Variants in LRRIQ1 observed in about 807,000 individuals in gnomAD.
The protein encoded by LRRIQ1 is leucine rich repeats and IQ motif containing 1, also known as leucine-rich repeat- and IQ domain-containing protein 1.
A neutral mutation model predicts 211.9 loss-of-function variants in LRRIQ1; 210 were observed. The observed-to-expected ratio is 0.99, with a 90% CI of 0.89 to 1.11. LRRIQ1 has a LOEUF of 1.11. LRRIQ1 is among the 50% of genes most tolerant of loss of function. The probability of loss-of-function intolerance (pLI) is 0.00; values close to 1 mark genes in which losing one functional copy is unlikely to be tolerated. For synonymous variants in LRRIQ1, 699 were observed against 650.1 expected, an observed-to-expected ratio of 1.08 and a Z score of -1.14; for missense variants, 2,136 against 1,939.5, an observed-to-expected ratio of 1.10 and a Z score of -1.90.
chr12:85,043,813 G>C (rs948877826), intron 3 of LRRIQ1, among the ~76,000 whole-genome samples: 2 of 151,962 alleles, frequency 1.3e-5, no homozygotes, highest in Non-Finnish European at 2.9e-5. Flanking sequence ...AAGAAGTTCA[G>C]AGACATTAAT....
chr12:85,181,280 A>G (rs1891969044), intron 24 of LRRIQ1, among the ~76,000 whole-genome samples: 1 of 151,972 alleles, frequency 6.6e-6, no homozygotes. Flanking sequence ...GATAAAATTT[A>G]TATTGCAATA....
intron 26 of LRRIQ1, among the ~76,000 whole-genome samples, chr12:85,240,692 T>A (rs1277757364): frequency 6.6e-6 from 1 of 152,146 alleles, no homozygotes; most frequent in Non-Finnish European, 1.5e-5. Context: ...ACAAGAAAGC[T>A]GTTGACATAT....
chr12:85,272,041 A>G, the LRRIQ1 span, among the ~76,000 whole-genome samples: 1 of 152,304 alleles, frequency 6.6e-6, no homozygotes, highest in African/African-American at 2.4e-5. Flanking sequence ...TCACCTCTAG[A>G]ACTAAATAGT....
At chr12:85,261,747 T>C (rs1014300293) in intron 1 of LRRIQ1, among the ~76,000 whole-genome samples, 3 of 149,290 alleles carry the variant, frequency 2.0e-5, no homozygotes, top group East Asian at 3.9e-4. Flanking sequence ...AGGATCATAA[T>C]TTTTATTTTT....
intron 11 of LRRIQ1, among the ~76,000 whole-genome samples, chr12:85,085,374 G>C (rs988061601): frequency 2.0e-5 from 3 of 152,112 alleles, no homozygotes; most frequent in Non-Finnish European, 2.9e-5. Flanking sequence ...CAGCATAGGG[G>C]GATCTGCCAC....
intron 24 of LRRIQ1, among the ~76,000 whole-genome samples, chr12:85,182,539 T>C (rs1173891327): frequency 6.6e-6 from 1 of 152,110 alleles, no homozygotes; most frequent in Non-Finnish European, 1.5e-5. Context: ...GAGATCCCTA[T>C]CTTGAGATGT....
At chr12:85,265,056 C>G (rs891591248), downstream of LRRIQ1, among the ~76,000 whole-genome samples, 3 of 151,994 alleles carry the variant, frequency 2.0e-5, no homozygotes, top group Non-Finnish European at 4.4e-5. Context: ...ATGGAGATAG[C>G]CCCGTCCCAA....
chr12:85,210,536 A>C (rs541229371), intron 24 of LRRIQ1, among the ~76,000 whole-genome samples: 1 of 152,202 alleles, frequency 6.6e-6, no homozygotes, highest in Non-Finnish European at 1.5e-5. Flanking sequence ...AGTTTTATCA[A>C]GAGAAAATTT....
intron 20 of LRRIQ1, among the ~76,000 whole-genome samples, 163 bp downstream of exon 20, chr12:85,152,532 T>A (rs969143317): frequency 2.0e-5 from 3 of 151,894 alleles, no homozygotes; most frequent in Admixed American, 1.3e-4. Context: ...TTCATGTAGC[T>A]TTTCTTTCAT....
intron 24 of LRRIQ1, among the ~76,000 whole-genome samples, chr12:85,192,938 A>T (rs1892652774): frequency 1.1e-5 from 1 of 92,742 alleles, no homozygotes; most frequent in South Asian, 3.1e-4. Context: ...TAATATAATT[A>T]TATATAAATA....
At chr12:85,063,952 G>T (rs999988892) in intron 8 of LRRIQ1, among the ~76,000 whole-genome samples, 6 of 151,688 alleles carry the variant, frequency 4.0e-5, no homozygotes, top group African/African-American at 1.2e-4. Flanking sequence ...GAACACTTAG[G>T]TTGCTTCTAA....
intron 24 of LRRIQ1, among the ~76,000 whole-genome samples, chr12:85,227,831 C>T (rs1053486071): frequency 6.6e-6 from 1 of 152,122 alleles, no homozygotes; most frequent in African/African-American, 2.4e-5. Context: ...GAGATATAGA[C>T]TAATGGAACA....
chr12:85,055,814 G>A lies in LRRIQ1; in HGVS notation c.1021G>A (p.Glu341Lys), dbSNP rs746998688. 4.4e-5 allele frequency: 70 copies of A among 1,594,942 alleles called. No homozygotes were observed. In the East Asian group the frequency reaches 1.5e-3, roughly 34 times the overall value. The change falls in exon 8 of 27, where the codon GAG becomes AAG. Residue 341 changes from glutamate (E) to lysine (K), a missense_variant. Glu to Lys is a moderately conservative substitution (Grantham distance 56). Transcript: ENST00000393217. Reference protein sequence around the residue: ...KEEENRKRLEEEQRIKEERKK... With the variant: ...KEEENRKRLEKEQRIKEERKK... ...GGAAGAAAATCGAAAAAGATTAGAG[G>A]AGGAACAAAGGATAAAAGAAGAGAG...
intron 11 of LRRIQ1, among the ~76,000 whole-genome samples, chr12:85,079,413 C>T (rs918845628): frequency 2.1e-4 from 32 of 151,640 alleles, no homozygotes; most frequent in African/African-American, 7.2e-4. Flanking sequence ...TTAGTAGAGA[C>T]GGGGTTTCAC....
intron 24 of LRRIQ1, among the ~76,000 whole-genome samples, chr12:85,210,416 A>T (rs887239389): frequency 6.6e-6 from 1 of 152,190 alleles, no homozygotes; most frequent in African/African-American, 2.4e-5. Flanking sequence ...GATGTTTTTG[A>T]TGTAAAGATA....
chr12:85,079,525 G>C (rs999597355), intron 11 of LRRIQ1, among the ~76,000 whole-genome samples: 1 of 151,878 alleles, frequency 6.6e-6, no homozygotes, highest in Non-Finnish European at 1.5e-5. Flanking sequence ...ACCATGCCCA[G>C]CCTCTATCTT....
intron 24 of LRRIQ1, among the ~76,000 whole-genome samples, chr12:85,190,026 A>C (rs1190870171): frequency 7.0e-6 from 1 of 141,866 alleles, no homozygotes; most frequent in Non-Finnish European, 1.5e-5. Flanking sequence ...AATTTTAATT[A>C]TATATAATAT....
intron 10 of LRRIQ1, among the ~76,000 whole-genome samples, chr12:85,067,829 A>G (rs1882607495): frequency 6.6e-6 from 1 of 151,948 alleles, no homozygotes; most frequent in Non-Finnish European, 1.5e-5. Flanking sequence ...GAAAAAAAAG[A>G]AAACCTTTCC....
chr12:85,205,006 C>T (rs181429863), intron 24 of LRRIQ1, among the ~76,000 whole-genome samples: 15 of 152,132 alleles, frequency 9.9e-5, no homozygotes, highest in African/African-American at 3.6e-4. Flanking sequence ...CTAGGGAGGG[C>T]CTAGGTGTGA....
Sources: allele counts gnomAD v4.1 joint callset (sites outside exome capture counted in the v4.1 genomes callset), GRCh38; gene constraint gnomAD v4.1.1; transcripts MANE v1.5; gene names NCBI Gene and HGNC (gene_info 2026-07-23, HGNC 2026-07-21).